LYRM4: variants seen among roughly 807,000 people sequenced by gnomAD.
The protein encoded by LYRM4 is LYR motif-containing protein 4.
LYRM4 carries 9 observed loss-of-function variants against 11.7 expected under a neutral mutation model. The ratio of observed to expected loss-of-function variants is 0.77; its 90% CI spans 0.46 to 1.34. The LOEUF is 1.34. Among genes scored for constraint, LYRM4 ranks in the 40% most tolerant of loss-of-function variants. The probability of loss-of-function intolerance (pLI) is 0.00; values close to 1 mark genes in which losing one functional copy is unlikely to be tolerated. For synonymous variants in LYRM4, 42 were observed against 40.4 expected (o/e 1.04, Z -0.15); for missense variants, 133 against 112.5 (o/e 1.18, Z -0.82).
intron 1 of LYRM4, among the ~76,000 whole-genome samples, chr6:5,231,617 T>C (rs930831433): frequency 1.3e-5 from 2 of 152,236 alleles, no homozygotes; most frequent in Non-Finnish European, 2.9e-5. Context: ...ATTTTCCCTG[T>C]TGCAGAGAAG....
At chr6:5,228,990 C>T (rs1340956963) in intron 1 of LYRM4, among the ~76,000 whole-genome samples, 3 of 117,786 alleles carry the variant, frequency 2.5e-5, no homozygotes, top group African/African-American at 3.6e-5. Flanking sequence ...GGCGACGGAG[C>T]GAGGCTCAGT....
At chr6:5,231,233 C>G (rs756289917) in intron 1 of LYRM4, among the ~76,000 whole-genome samples, 1 of 152,004 alleles carries the variant, frequency 6.6e-6, no homozygotes, top group Non-Finnish European at 1.5e-5. Flanking sequence ...AAAAACCCCA[C>G]AAAAAACCCA....
At chr6:5,080,030 C>T in the LYRM4 span, among the ~76,000 whole-genome samples, 104,904 of 152,140 alleles carry the variant, frequency 0.69, 37,399 homozygotes, top group East Asian at 0.89. Context: ...TTTAGGATCA[C>T]CTTTTCCAAG....
intron 2 of LYRM4, among the ~76,000 whole-genome samples, chr6:5,130,605 G>A (rs544073956): frequency 6.6e-6 from 1 of 152,132 alleles, no homozygotes; most frequent in Non-Finnish European, 1.5e-5. Context: ...TGAAACAAAT[G>A]GCTGCTTCTA....
chr6:5,138,524 A>G (rs1757233179), intron 2 of LYRM4, among the ~76,000 whole-genome samples: 2 of 138,030 alleles, frequency 1.4e-5, no homozygotes, highest in African/African-American at 5.3e-5. Flanking sequence ...AAAAATCGAT[A>G]GTTTTTCTTA....
At chr6:5,103,299 T>C (rs1407800141), downstream of LYRM4, 1 of 152,210 alleles carries the variant, frequency 6.6e-6, no homozygotes, top group Non-Finnish European at 1.5e-5. Flanking sequence ...CTGTTGGCTG[T>C]TCTTCTGTTC....
At chr6:5,044,124 T>TG in the LYRM4 span, among the ~76,000 whole-genome samples, 1 of 150,238 alleles carries the variant, frequency 6.7e-6, no homozygotes, top group Non-Finnish European at 1.5e-5. Flanking sequence ...GGGTTTTTTT[T>TG]GTTTGTTTGT....
At chr6:5,185,837 C>T (rs1760357933) in intron 2 of LYRM4, among the ~76,000 whole-genome samples, 2 of 151,882 alleles carry the variant, frequency 1.3e-5, no homozygotes, top group Admixed American at 1.3e-4. Flanking sequence ...AAGAGAGGGA[C>T]CAATAATGAA....
the LYRM4 span, among the ~76,000 whole-genome samples, chr6:5,075,630 T>C: frequency 0.92 from 140,338 of 152,276 alleles, 64,792 homozygotes; most frequent in African/African-American, 0.98. Context: ...AGAAATAAGA[T>C]CAAGTGGCCA....
At chr6:5,216,552 A>G (rs906836140) in intron 2 of LYRM4, 66 bp downstream of exon 2, 13 of 1,594,550 alleles carry the variant, frequency 8.2e-6, no homozygotes, top group Non-Finnish European at 5.1e-6. Context: ...CGGCTGTCTA[A>G]TCAAGGGGAA....
At chr6:5,144,469 C>G (rs896607907) in intron 2 of LYRM4, among the ~76,000 whole-genome samples, 1 of 151,718 alleles carries the variant, frequency 6.6e-6, no homozygotes, top group African/African-American at 2.4e-5. Context: ...ATCCCCGTCT[C>G]TACTAAAAAC....
At chr6:5,126,925 C>G (rs896377685) in intron 2 of LYRM4, among the ~76,000 whole-genome samples, 2 of 152,140 alleles carry the variant, frequency 1.3e-5, no homozygotes, top group African/African-American at 4.8e-5. Flanking sequence ...TGGCACAACT[C>G]TGAATATACT....
chr6:5,076,223 G>A, the LYRM4 span, among the ~76,000 whole-genome samples: 1 of 151,972 alleles, frequency 6.6e-6, no homozygotes, highest in African/African-American at 2.4e-5. Flanking sequence ...TGAGATTACA[G>A]GTGTGAGCCT....
At chr6:5,136,926 T>C (rs1034856193) in intron 2 of LYRM4, 2 of 712,736 alleles carry the variant, frequency 2.8e-6, no homozygotes, top group African/African-American at 3.9e-5. Context: ...GTGCATCCAT[T>C]ACCACAATCA....
intron 2 of LYRM4, among the ~76,000 whole-genome samples, chr6:5,205,258 A>G (rs1233501036): frequency 6.6e-6 from 1 of 152,128 alleles, no homozygotes; most frequent in Non-Finnish European, 1.5e-5. Context: ...GGCCTTCCCT[A>G]GGGGAGGAGG....
In LYRM4 at chr6:5,237,225, C is replaced by T. The variant is rs535226841; in HGVS notation, c.87-20487G>A. 5.9e-5 allele frequency among the ~76,000 whole-genome samples: 9 copies of T among 152,186 alleles called. 1 individual carries two copies. The South Asian group carries it at 6.2e-4, about 11-fold the overall frequency. On this transcript the variant is annotated intron_variant, in intron 1 of 2. Coordinates refer to ENST00000330636, the MANE Select transcript of LYRM4 (RefSeq NM_020408.6). ...ATCTGTATTTATAGCCACTCCCCAT[C>T]GCTCACAATACCACCTGAGCTCCAC...
chr6:5,117,834 T>A (rs111309716), intron 2 of LYRM4, among the ~76,000 whole-genome samples: 2 of 151,964 alleles, frequency 1.3e-5, no homozygotes, highest in African/African-American at 4.8e-5. Flanking sequence ...CGCCTGTGAA[T>A]AAATACTGCA....
intron 2 of LYRM4, among the ~76,000 whole-genome samples, chr6:5,134,270 T>C (rs423801): frequency 0.61 from 92,446 of 151,930 alleles, 28,585 homozygotes; most frequent in East Asian, 0.81. Context: ...TCAGTTTTTA[T>C]GTAAGATAAG....
the LYRM4 span, among the ~76,000 whole-genome samples, chr6:5,051,057 C>G: frequency 1.3e-5 from 2 of 152,038 alleles, no homozygotes; most frequent in African/African-American, 4.8e-5. Context: ...GACTCAAAAA[C>G]AGATTTGAAC....
Sources: gnomAD v4.1 joint callset for allele counts (sites outside exome capture counted in the v4.1 genomes callset) on GRCh38, gnomAD v4.1.1 for gene constraint, MANE v1.5 for transcripts, NCBI Gene and HGNC (gene_info 2026-07-23, HGNC 2026-07-21) for gene names.